Variants in MTUS2 observed in about 807,000 individuals in gnomAD.
MTUS2 encodes microtubule associated scaffold protein 2.
A neutral mutation model predicts 114.1 loss-of-function variants in MTUS2; 40 were observed. The observed-to-expected ratio is 0.35, with a 90% CI of 0.27 to 0.46. The LOEUF is 0.46. MTUS2 is among the 20% of genes least tolerant of loss of function. The pLI is 1.00. For synonymous variants in MTUS2, 688 were observed against 672.0 expected, an observed-to-expected ratio of 1.02 and a Z score of -0.37; for missense variants, 1,679 against 1,705.4, an observed-to-expected ratio of 0.98 and a Z score of 0.27.
At chr13:29,352,768 T>C (rs568018668) in intron 7 of MTUS2, among the ~76,000 whole-genome samples, 1 of 152,354 alleles carries the variant, frequency 6.6e-6, no homozygotes, top group South Asian at 2.1e-4. Flanking sequence ...GACATTTTGG[T>C]TGTTTCACTT....
chr13:29,455,521 CAGT>C (rs1879040679), intron 9 of MTUS2, among the ~76,000 whole-genome samples: 1 of 152,130 alleles, frequency 6.6e-6, no homozygotes, highest in Non-Finnish European at 1.5e-5. Context: ...CAAAGGAATC[CAGT>C]AAGTTAACTG....
At chr13:29,339,677 C>T in intron 7 of MTUS2, 1 of 184,128 alleles carries the variant, frequency 5.4e-6, no homozygotes, top group Non-Finnish European at 1.1e-5. Flanking sequence ...GAGCGGTGGC[C>T]TGTTGGGAAA....
chr13:29,258,716 G>A (rs1265253365), intron 5 of MTUS2, among the ~76,000 whole-genome samples: 2 of 152,200 alleles, frequency 1.3e-5, no homozygotes, highest in Non-Finnish European at 2.9e-5. Flanking sequence ...AGCAGATGTT[G>A]CATTTCATAA....
At chr13:29,385,714 G>A (rs1872589245) in intron 8 of MTUS2, among the ~76,000 whole-genome samples, 1 of 152,144 alleles carries the variant, frequency 6.6e-6, no homozygotes, top group South Asian at 2.1e-4. Flanking sequence ...AGTGTTCTGA[G>A]CCAATCAGGG....
At position 29,504,755 on chromosome 13, in the gene MTUS2, A is replaced by G. The variant is rs1309105545; in HGVS notation, c.*1549A>G. 1 of 233,164 alleles carries G rather than the reference A, an allele frequency of 4.3e-6. No individual in the cohort carries two copies. The highest frequency in any genetic ancestry group is 2.2e-5 in the African/African-American group (1 of 45,344). 14.4% of individuals were successfully genotyped at this position (233,164 alleles called of 1,614,324 possible). On this transcript the variant is annotated 3_prime_UTR_variant, in exon 16 of 16. Transcript: ENST00000612955. ...TTCCTGTATGTGACAAAGACCCTGC[A>G]CTTTCTCCCTGAGACCCCCCCAAAA...
At position 28,996,684 on chromosome 13, in the gene MTUS2, A is replaced by G. The variant is rs1201513388; in HGVS notation, c.-242-27773A>G. The stretch of plus-strand genomic sequence containing the variant: ...CTTCTAGATTTTCTAGTTTATTTGC[A>G]TAGAGGTGTTTATAGTATTTTCTGA... On this transcript the variant is annotated intron_variant, in intron 2 of 15. Coordinates refer to ENST00000612955, the MANE Select transcript of MTUS2 (RefSeq NM_001033602.4). Among the ~76,000 whole-genome samples, 19 of 152,172 alleles carry G rather than the reference A, an allele frequency of 1.2e-4. No homozygotes were observed. In the East Asian group the frequency reaches 2.9e-3, roughly 23 times the overall value.
rs56965083 is a variant in MTUS2, at chr13:29,200,521, G to GTTTTTTTTTTTTTTTTTT, written c.2645-81167_2645-81166insTTTTTTTTTTTTTTTTTT. ...TGGTTTTGAGTGAGTTTCTTTTTCT[G>GTTTTTTTTTTTTTTTTTT]TTTTTTTTTTTTTTTTGAGATGGAG... On this transcript the variant is annotated intron_variant, in intron 5 of 15. Coordinates refer to ENST00000612955, the MANE Select transcript of MTUS2 (RefSeq NM_001033602.4). 1.8e-4 allele frequency among the ~76,000 whole-genome samples: 15 copies of GTTTTTTTTTTTTTTTTTT among 85,430 alleles called. 2 individuals are homozygous for GTTTTTTTTTTTTTTTTTT. Among genetic ancestry groups the GTTTTTTTTTTTTTTTTTT allele is most frequent in the East Asian group, 6.7e-4 (2 of 2,972 alleles). 56.0% of individuals were successfully genotyped at this position (85,430 alleles called of 152,430 possible).
chr13:29,314,565 GA>G (rs1899908402), intron 6 of MTUS2, among the ~76,000 whole-genome samples: 3 of 152,120 alleles, frequency 2.0e-5, no homozygotes, highest in African/African-American at 7.2e-5. Context: ...AGAAGTTACT[GA>G]AATATATGTA....
chr13:28,998,985 G>T (rs1885254079), intron 2 of MTUS2, among the ~76,000 whole-genome samples: 1 of 152,108 alleles, frequency 6.6e-6, no homozygotes, highest in African/African-American at 2.4e-5. Context: ...AGAGTTTCCG[G>T]TTTTTCTGCT....
chr13:28,955,427 A>G (rs887068469), intron 2 of MTUS2, among the ~76,000 whole-genome samples: 3 of 152,232 alleles, frequency 2.0e-5, no homozygotes, highest in Non-Finnish European at 4.4e-5. Flanking sequence ...AGAGCCAGCC[A>G]GATGGGAATG....
intron 2 of MTUS2, among the ~76,000 whole-genome samples, chr13:28,904,335 A>G (rs1251939449): frequency 1.3e-5 from 2 of 152,124 alleles, no homozygotes; most frequent in Non-Finnish European, 2.9e-5. Flanking sequence ...GCCCATGCCT[A>G]TGTCCTGAAT....
At chr13:29,290,148 G>T (rs866055388) in intron 6 of MTUS2, among the ~76,000 whole-genome samples, 1 of 152,106 alleles carries the variant, frequency 6.6e-6, no homozygotes, top group African/African-American at 2.4e-5. Context: ...TAATACTTTC[G>T]GTGCCTTTCT....
chr13:28,954,640 G>C (rs528529690), intron 2 of MTUS2, among the ~76,000 whole-genome samples: 4 of 152,118 alleles, frequency 2.6e-5, no homozygotes, highest in Non-Finnish European at 4.4e-5. Context: ...CCGTGAAGCA[G>C]AGGTAGGATT....
chr13:29,117,840 TG>T (rs753398043), intron 5 of MTUS2, among the ~76,000 whole-genome samples: 4 of 152,046 alleles, frequency 2.6e-5, no homozygotes, highest in Non-Finnish European at 4.4e-5. Context: ...AGCCGTGAGG[TG>T]TGCCTGTAAG....
chr13:28,854,951 C>G (rs1285706288), intron 2 of MTUS2, among the ~76,000 whole-genome samples: 1 of 152,098 alleles, frequency 6.6e-6, no homozygotes, highest in Non-Finnish European at 1.5e-5. Flanking sequence ...ACATCCCCTC[C>G]TTTTGTCCCT....
At chr13:28,979,499 T>C (rs1322550176) in intron 2 of MTUS2, among the ~76,000 whole-genome samples, 1 of 152,352 alleles carries the variant, frequency 6.6e-6, no homozygotes, top group East Asian at 1.9e-4. Flanking sequence ...CTCTTGCTTT[T>C]CTCATCCTAA....
At chr13:29,445,992 G>A (rs1878252508) in intron 9 of MTUS2, among the ~76,000 whole-genome samples, 1 of 152,066 alleles carries the variant, frequency 6.6e-6, no homozygotes, top group African/African-American at 2.4e-5. Flanking sequence ...GGGTGGGACT[G>A]AAAGTTCCAA....
rs1423352261 is a variant in MTUS2, at chr13:29,293,159, TCATAGAGTTGA to T, written c.2806+11295_2806+11305del. ...TTAAAACTTTCTACAATGAAAGACA[TCATAGAGTTGA>T]GGAAGATGATAAACTGATAGAAAAT... On this transcript the variant is annotated intron_variant, in intron 6 of 15. Transcript: ENST00000612955. Among the ~76,000 whole-genome samples the T allele has an allele frequency of 5.3e-5, 8 of 152,238 alleles. No homozygotes were observed. In the East Asian group the frequency reaches 1.5e-3, roughly 29 times the overall value.
intron 5 of MTUS2, among the ~76,000 whole-genome samples, chr13:29,206,536 T>G (rs1895192844): frequency 6.6e-6 from 1 of 152,230 alleles, no homozygotes; most frequent in Admixed American, 6.5e-5. Flanking sequence ...TTTTTATGGT[T>G]TCAGATCTTA....
Sources: allele counts gnomAD v4.1 joint callset (sites outside exome capture counted in the v4.1 genomes callset), GRCh38; gene constraint gnomAD v4.1.1; transcripts MANE v1.5; gene names NCBI Gene and HGNC (gene_info 2026-07-23, HGNC 2026-07-21).